The following OPRD1 variants were observed in gnomAD, a reference collection of about 807,000 sequenced individuals.
OPRD1 encodes the protein opioid receptor delta 1, also known as delta-type opioid receptor.
In OPRD1, 19 loss-of-function variants were observed where a neutral mutation model predicts 17.5. The ratio of observed to expected loss-of-function variants is 1.09; its 90% CI spans 0.76 to 1.60. OPRD1 has a LOEUF of 1.60. OPRD1 is among the 40% of genes most tolerant of loss of function. OPRD1 has a pLI of 0.00. For synonymous variants in OPRD1, 256 were observed against 240.9 expected, an observed-to-expected ratio of 1.06 and a Z score of -0.58; for missense variants, 483 against 547.2, an observed-to-expected ratio of 0.88 and a Z score of 1.17.
intron 2 of OPRD1, among the ~76,000 whole-genome samples, chr1:28,862,338 T>C (rs1008370300): frequency 6.6e-6 from 1 of 152,220 alleles, no homozygotes; most frequent in Non-Finnish European, 1.5e-5. Flanking sequence ...GCCTGAGTCC[T>C]GCTCCTAGCT....
intron 1 of OPRD1, among the ~76,000 whole-genome samples, chr1:28,840,761 A>G (rs975927390): frequency 6.6e-6 from 1 of 152,016 alleles, no homozygotes; most frequent in Non-Finnish European, 1.5e-5. Context: ...GGCTCCACTA[A>G]AAATATGAAA....
At chr1:28,862,149 C>T (rs2089129545) in intron 2 of OPRD1, among the ~76,000 whole-genome samples, 1 of 151,434 alleles carries the variant, frequency 6.6e-6, no homozygotes, top group African/African-American at 2.4e-5. Flanking sequence ...GATTTCCTGA[C>T]CTCATGATCT....
At chr1:28,862,656 C>T (rs890889766) in intron 2 of OPRD1, 86 bp from the exon 3 acceptor site, 3 of 1,338,628 alleles carry the variant, frequency 2.2e-6, no homozygotes, top group African/African-American at 2.9e-5. Flanking sequence ...CTTGCCCAAG[C>T]CTTGAAAGGG....
At chr1:28,824,286 C>T (rs2088743528) in intron 1 of OPRD1, among the ~76,000 whole-genome samples, 1 of 149,896 alleles carries the variant, frequency 6.7e-6, no homozygotes. Flanking sequence ...AACTGTGACT[C>T]ATGGATGATG....
In OPRD1 at chr1:28,859,001, C is replaced by G; in HGVS notation, c.275C>G (p.Ala92Gly). ...TATNIYIFNL[A>G]LADALATSTL... ...ACCAACATCTACATCTTCAACCTGG[C>G]CTTAGCCGATGCGCTGGCCACCAGC... Residue 92 changes from alanine (A) to glycine (G), a missense_variant, in exon 2 of 3, where the codon GCC (alanine) becomes GGC (glycine). Physicochemically the swap from Ala to Gly is moderately conservative, Grantham distance 60. Coordinates refer to ENST00000234961, the MANE Select transcript of OPRD1 (RefSeq NM_000911.4). 10 of 1,613,782 alleles carry G rather than the reference C, an allele frequency of 6.2e-6. No homozygotes were observed. The highest frequency in any genetic ancestry group is 8.5e-6 in the Non-Finnish European group (10 of 1,180,044).
rs1185446736 is a variant in OPRD1 at position 28,824,195 on chromosome 1, A to G, written c.227+11585A>G. ...ACCTATCTCCAAAAAAAAAAAAAAA[A>G]AAGCCCCATTCAAAGAACACCACAC... On this transcript the variant is annotated intron_variant, in intron 1 of 2. Coordinates refer to ENST00000234961, the MANE Select transcript of OPRD1 (RefSeq NM_000911.4). Among the ~76,000 whole-genome samples the G allele has an allele frequency of 2.6e-5, 4 of 151,326 alleles. No individual in the cohort carries two copies. In the East Asian group the frequency reaches 5.9e-4, roughly 22 times the overall value.
chr1:28,859,080 G>C lies in OPRD1; in HGVS notation c.354G>C (p.Glu118Asp), dbSNP rs1325990411. The change falls in exon 2 of 3, where the codon GAG (glutamate) becomes GAC (aspartate). Residue 118 changes from glutamate (E) to aspartate (D), a missense_variant. Physicochemically the swap from Glu to Asp is conservative, Grantham distance 45. Coordinates refer to ENST00000234961, the MANE Select transcript of OPRD1 (RefSeq NM_000911.4). ...KYLMETWPFGELLCKAVLSID... is the reference protein window; with the variant it reads ...KYLMETWPFGDLLCKAVLSID... ...TGATGGAGACGTGGCCCTTCGGCGA[G>C]CTGCTCTGCAAGGCTGTGCTCTCCA... 6.2e-7 allele frequency: 1 copy of C among 1,614,240 alleles called. No individual in the cohort carries two copies. The highest frequency in any genetic ancestry group is 1.1e-5 in the South Asian group (1 of 91,086).
rs762943727 is a variant in OPRD1 at position 28,866,870 on chromosome 1, AG to A, written c.*3590del. On this transcript the variant is annotated 3_prime_UTR_variant, in exon 3 of 3. Coordinates refer to ENST00000234961, the MANE Select transcript of OPRD1 (RefSeq NM_000911.4). ...TGACAGTGTAATTCTAGATCGTCACAGGGTTCTCAAAACTGCAGAGTAGGTC... is the reference window on the plus strand; with the variant it reads ...TGACAGTGTAATTCTAGATCGTCACAGGTTCTCAAAACTGCAGAGTAGGTC... 8 of 148,496 alleles carry A rather than the reference AG, an allele frequency of 5.4e-5. No individual in the cohort carries two copies. The highest frequency in any genetic ancestry group is 1.8e-4 in the African/African-American group (7 of 39,016). The allele number at this position is 148,496 out of a possible 1,614,324, so 9.2% of individuals were successfully genotyped here. A position where few individuals can be genotyped will look rare whatever the true frequency, so the allele number is the denominator to read the frequency against.
At chr1:28,819,540 G>A (rs1024068551) in intron 1 of OPRD1, among the ~76,000 whole-genome samples, 2 of 152,182 alleles carry the variant, frequency 1.3e-5, no homozygotes. Context: ...CATGCCAGAG[G>A]CTTCTGGATC....
At chr1:28,846,716 GA>G (rs2088947581) in intron 1 of OPRD1, among the ~76,000 whole-genome samples, 1 of 150,898 alleles carries the variant, frequency 6.6e-6, no homozygotes, top group Non-Finnish European at 1.5e-5. Context: ...GAGAGAGAGA[GA>G]GCGAGCAAGC....
At chr1:28,859,525 G>C (rs1444831529) in intron 2 of OPRD1, among the ~76,000 whole-genome samples, 1 of 152,220 alleles carries the variant, frequency 6.6e-6, no homozygotes, top group East Asian at 1.9e-4. Flanking sequence ...GCATGCGGAT[G>C]GTTGACTATT....
At chr1:28,831,516 A>G (rs2088808796) in intron 1 of OPRD1, among the ~76,000 whole-genome samples, 3 of 152,120 alleles carry the variant, frequency 2.0e-5, no homozygotes, top group South Asian at 4.1e-4. Context: ...CTCAAAAAAA[A>G]AAAAAAAGAG....
chr1:28,846,967 TCTTC>T (rs1165813603), intron 1 of OPRD1, among the ~76,000 whole-genome samples: 2 of 150,726 alleles, frequency 1.3e-5, no homozygotes, highest in Admixed American at 1.3e-4. Flanking sequence ...TTTCTCTCTT[TCTTC>T]CTTCCTTCCT....
At chr1:28,823,358 G>A (rs567578962) in intron 1 of OPRD1, among the ~76,000 whole-genome samples, 38 of 143,120 alleles carry the variant, frequency 2.7e-4, no homozygotes, top group Admixed American at 2.1e-3. Context: ...CACTACACCC[G>A]GCTATTCTTT....
intron 1 of OPRD1, among the ~76,000 whole-genome samples, chr1:28,832,006 C>G (rs907891119): frequency 6.6e-6 from 1 of 152,174 alleles, no homozygotes; most frequent in Non-Finnish European, 1.5e-5. Context: ...TTCACTTGCC[C>G]AGGGCCACAG....
intron 1 of OPRD1, among the ~76,000 whole-genome samples, chr1:28,819,466 G>A (rs555639587): frequency 2.2e-4 from 33 of 152,136 alleles, no homozygotes; most frequent in African/African-American, 7.7e-4. Flanking sequence ...ACTTACAGAC[G>A]CACTGCGGTG....
At chr1:28,817,905 G>A (rs530969250) in intron 1 of OPRD1, among the ~76,000 whole-genome samples, 1 of 150,118 alleles carries the variant, frequency 6.7e-6, no homozygotes, top group Non-Finnish European at 1.5e-5. Flanking sequence ...GGCGGGGCGG[G>A]GGGGGGGTTT....
chr1:28,812,594 A>C lies in OPRD1; in HGVS notation c.211A>C (p.Met71Leu), dbSNP rs1226264355. Residue 71 changes from methionine to leucine, a missense_variant, in exon 1 of 3, where the codon ATG becomes CTG. By Grantham distance (15) the Met-to-Leu change is conservative (BLOSUM62 2). Transcript: ENST00000234961. ...AVGLLGNVLVMFGIVRYTKMK... is the reference protein window; with the variant it reads ...AVGLLGNVLVLFGIVRYTKMK... ...GGGGCTGCTGGGCAACGTGCTTGTC[A>C]TGTTCGGCATCGTCCGGTGAGTCCG... The C allele has an allele frequency of 6.5e-7, 1 of 1,543,540 alleles. No individual in the cohort carries two copies. Among genetic ancestry groups the C allele is most frequent in the East Asian group, 2.6e-5 (1 of 38,798 alleles).
At chr1:28,849,921 C>T (rs1011988493) in intron 1 of OPRD1, among the ~76,000 whole-genome samples, 6 of 150,066 alleles carry the variant, frequency 4.0e-5, no homozygotes, top group African/African-American at 1.5e-4. Flanking sequence ...GCTCTGTCGC[C>T]CAGGCTGGAG....
Sources: allele counts gnomAD v4.1 joint callset (sites outside exome capture counted in the v4.1 genomes callset), GRCh38; gene constraint gnomAD v4.1.1; transcripts MANE v1.5; gene names NCBI Gene and HGNC (gene_info 2026-07-23, HGNC 2026-07-21).